The following UPF1 variants were observed in gnomAD, a reference collection of about 807,000 sequenced individuals.
The protein encoded by UPF1 is regulator of nonsense transcripts 1.
Under a neutral mutation model 129.2 loss-of-function variants are expected in UPF1, and 9 were observed. The ratio of observed to expected loss-of-function variants is 0.07; its 90% CI spans 0.04 to 0.12. The LOEUF is 0.12. UPF1 is among the 10% of genes least tolerant of loss of function. The pLI, the probability that UPF1 is intolerant of heterozygous loss-of-function variation, is 1.00. For missense variants in UPF1, 788 were observed against 1,525.3 expected (o/e 0.52, Z 8.05); for synonymous variants, 649 against 644.9 (o/e 1.01, Z -0.10).
At chr19:18,858,759 A>G (rs1338354661) in intron 15 of UPF1, among the ~76,000 whole-genome samples, 2 of 152,222 alleles carry the variant, frequency 1.3e-5, no homozygotes, top group Non-Finnish European at 2.9e-5. Flanking sequence ...AATGGGAGAC[A>G]GGACCACTCT....
At chr19:18,844,202 G>A (rs981988911) in intron 1 of UPF1, among the ~76,000 whole-genome samples, 2 of 151,336 alleles carry the variant, frequency 1.3e-5, no homozygotes, top group Non-Finnish European at 2.9e-5. Context: ...CCAGCTCTGG[G>A]GCCTCGTGTA....
chr19:18,857,430 C>T lies in UPF1; in HGVS notation c.2079C>T (p.Ile693=), dbSNP rs780307099. The T allele has an allele frequency of 1.2e-6, 2 of 1,613,602 alleles. No individual in the cohort carries two copies. Among genetic ancestry groups the T allele is most frequent in the South Asian group, 1.1e-5 (1 of 91,084 alleles). ...SLFERLVVLG[I]RPIRLQVQYR... ...TCGAGCGCCTGGTGGTGCTGGGCATCCGGCCCATCCGCCTGCAGGTCCAGT... is the reference window on the plus strand; with the variant it reads ...TCGAGCGCCTGGTGGTGCTGGGCATTCGGCCCATCCGCCTGCAGGTCCAGT... Residue 693 remains isoleucine, a synonymous_variant, in exon 15 of 24, where the codon ATC becomes ATT. Coordinates refer to ENST00000262803, the MANE Select transcript of UPF1 (RefSeq NM_002911.4).
chr19:18,839,689 C>G (rs927767223), intron 1 of UPF1, among the ~76,000 whole-genome samples: 1 of 152,240 alleles, frequency 6.6e-6, no homozygotes, highest in Non-Finnish European at 1.5e-5. Flanking sequence ...GCTGGGCAAC[C>G]TCTTCAGCCT....
In UPF1 at chr19:18,856,082, A is replaced by C; in HGVS notation, c.1702A>C (p.Met568Leu). The change falls in exon 12 of 24, where the codon ATG becomes CTG. Residue 568 changes from methionine (M) to leucine (L), a missense_variant. Physicochemically the swap from Met to Leu is conservative, Grantham distance 15. This residue lies in a region of UPF1 where 91 missense variants were observed against 157.2 expected (regional missense o/e 0.58). Coordinates refer to ENST00000262803, the MANE Select transcript of UPF1 (RefSeq NM_002911.4). ...FLALHNQIRN[M>L]DSMPELQKLQ... ...GGCCCTGCACAACCAGATCAGGAAC[A>C]TGGACAGGTGTGTGTCGAGTCCATC... 1 of 1,613,924 alleles carries C rather than the reference A, an allele frequency of 6.2e-7. No homozygotes were observed.
At chr19:18,858,577 C>G (rs1225728692) in intron 15 of UPF1, among the ~76,000 whole-genome samples, 2 of 152,132 alleles carry the variant, frequency 1.3e-5, no homozygotes, top group African/African-American at 4.8e-5. Flanking sequence ...TGGAGACTCC[C>G]AGCCATGCAG....
At chr19:18,848,181 T>A in intron 3 of UPF1, 1 of 274,140 alleles carries the variant, frequency 3.6e-6, no homozygotes, top group Non-Finnish European at 7.2e-6. Context: ...CCAGGGGCGC[T>A]GGTTCCTGAG....
intron 14 of UPF1, 93 bp downstream of exon 14, chr19:18,857,113 C>CCAG: frequency 2.6e-6 from 4 of 1,543,506 alleles, no homozygotes; most frequent in Non-Finnish European, 3.5e-6. Context: ...CGTAGGATGC[C>CCAG]CAGCAGAGTG....
intron 1 of UPF1, among the ~76,000 whole-genome samples, chr19:18,842,708 T>A (rs1295810827): frequency 6.6e-6 from 1 of 151,520 alleles, no homozygotes; most frequent in Non-Finnish European, 1.5e-5. Flanking sequence ...TTAAAAAAAA[T>A]TTGGGGGGGT....
rs1163464043 is a variant in UPF1, at chr19:18,866,973, C to G, written c.*456C>G. 1 of 152,614 alleles carries G rather than the reference C, an allele frequency of 6.6e-6. No individual in the cohort carries two copies. The highest frequency in any genetic ancestry group is 1.5e-5 in the Non-Finnish European group (1 of 68,056). 9.5% of individuals were successfully genotyped at this position (152,614 alleles called of 1,614,324 possible). A position where few individuals can be genotyped will look rare whatever the true frequency, so the allele number is the denominator to read the frequency against. On this transcript the variant is annotated 3_prime_UTR_variant, in exon 24 of 24. Transcript: ENST00000262803. ...TGCGGGGCAGAGCCCCGGGAGGGCG[C>G]GTCTGTCCACGCCTACCGGACGCGC...
chr19:18,847,954 C>G (rs1440357388), intron 3 of UPF1, 121 bp downstream of exon 3: 1 of 997,712 alleles, frequency 1.0e-6, no homozygotes, highest in Non-Finnish European at 1.5e-6. Context: ...GGGTTTTTTC[C>G]TCCTCTGTGA....
rs2055679452 is a variant in UPF1, at chr19:18,853,240, T to C, written c.1058-12T>C. ...GTTAAAATGGCCACCTCTCTCACTT[T>C]TTTACCTCAAGACATGCGGCTCATG... On this transcript the variant is annotated splice_polypyrimidine_tract_variant and intron_variant, in intron 7 of 23. Coordinates refer to ENST00000262803, the MANE Select transcript of UPF1 (RefSeq NM_002911.4). The surrounding 1 kb of genome is among the most constrained non-coding windows in gnomAD (Gnocchi z 4.4). The C allele has an allele frequency of 6.2e-7, 1 of 1,606,776 alleles. No homozygotes were observed. Among genetic ancestry groups the C allele is most frequent in the Admixed American group, 1.7e-5 (1 of 58,866 alleles).
rs954168057 is a variant in UPF1, at chr19:18,855,864, G to A, written c.1545-61G>A. ...CCCTGTCTCAAAAAACAGAGTCTTGGCTTACTACGTTCACCGAGCTTCCTC... is the reference window on the plus strand; with the variant it reads ...CCCTGTCTCAAAAAACAGAGTCTTGACTTACTACGTTCACCGAGCTTCCTC... On this transcript the variant is annotated intron_variant, in intron 11 of 23. Coordinates refer to ENST00000262803, the MANE Select transcript of UPF1 (RefSeq NM_002911.4). 1.3e-5 allele frequency: 21 copies of A among 1,583,672 alleles called. 1 individual carries two copies. In the East Asian group the frequency reaches 1.6e-4, roughly 12 times the overall value.
At chr19:18,849,830 A>C (rs2055639267) in intron 3 of UPF1, 1 of 522,232 alleles carries the variant, frequency 1.9e-6, no homozygotes. Context: ...TAAAAAAGGC[A>C]GGAACTATGT....
In UPF1 at chr19:18,850,309, G is replaced by A. The variant is rs528093767; in HGVS notation, c.629+67G>A. ...TCCAGCCGTCTCCTCACAAGCCTTGGCCCAGCCCAGCCCAGCCGTGGCTCT... is the reference window on the plus strand; with the variant it reads ...TCCAGCCGTCTCCTCACAAGCCTTGACCCAGCCCAGCCCAGCCGTGGCTCT... On this transcript the variant is annotated intron_variant, in intron 4 of 23. Transcript: ENST00000262803. The surrounding 1 kb of genome is among the most constrained non-coding windows in gnomAD (Gnocchi z 7.1). The A allele has an allele frequency of 1.4e-4, 214 of 1,504,534 alleles. No homozygotes were observed. The highest frequency in any genetic ancestry group is 1.2e-3 in the Middle Eastern group (5 of 4,020). The allele number at this position is 1,504,534 out of a possible 1,614,324, so 93.2% of individuals were successfully genotyped here. A position where few individuals can be genotyped will look rare whatever the true frequency, so the allele number is the denominator to read the frequency against.
intron 15 of UPF1, 187 bp from the exon 16 acceptor site, chr19:18,860,134 C>CGTATAA: frequency 1.6e-6 from 1 of 627,132 alleles, no homozygotes; most frequent in Admixed American, 2.5e-5. Flanking sequence ...TCTCCTCAGC[C>CGTATAA]TTGCCCAATC....
Position 18,860,073 on chromosome 19 carries a change from C to T in UPF1, c.2183-248C>T, listed in dbSNP as rs940778600. On this transcript the variant is annotated intron_variant, in intron 15 of 23. Transcript: ENST00000262803. The stretch of plus-strand genomic sequence containing the variant: ...AAAGCCCTGGCTGAGACCCTGTTCC[C>T]TGTTCAGGGGCTGAGCCAGCTCTGT... The T allele has an allele frequency of 3.7e-5, 18 of 483,838 alleles. No homozygotes were observed. In the Admixed American group the frequency reaches 5.9e-4, roughly 16 times the overall value. 30.0% of individuals were successfully genotyped at this position (483,838 alleles called of 1,614,324 possible). A position where few individuals can be genotyped will look rare whatever the true frequency, so the allele number is the denominator to read the frequency against.
chr19:18,832,495 C>A lies in UPF1; in HGVS notation c.231+55C>A. 2 of 991,168 alleles carry A rather than the reference C, an allele frequency of 2.0e-6. No homozygotes were observed. Among genetic ancestry groups the A allele is most frequent in the Non-Finnish European group, 2.4e-6 (2 of 831,420 alleles). The allele number at this position is 991,168 out of a possible 1,614,324, so 61.4% of individuals were successfully genotyped here. A position where few individuals can be genotyped will look rare whatever the true frequency, so the allele number is the denominator to read the frequency against. On this transcript the variant is annotated intron_variant, in intron 1 of 23. Coordinates refer to ENST00000262803, the MANE Select transcript of UPF1 (RefSeq NM_002911.4). The surrounding 1 kb of genome is among the most constrained non-coding windows in gnomAD (Gnocchi z 5.6). ...CGGGCCCGGCCTCGGCGCCTGAGAC[C>A]TGCCCCGAACTCGCCTCGGGCCCGG...
chr19:18,857,202 A>G (rs567094166), intron 14 of UPF1, 118 bp from the exon 15 acceptor site: 196 of 1,464,384 alleles, frequency 1.3e-4, no homozygotes, highest in Non-Finnish European at 1.7e-4. Flanking sequence ...GTGGTGAGCA[A>G]TGCCCCTGTG....
At chr19:18,835,327 T>C (rs1395578758) in intron 1 of UPF1, among the ~76,000 whole-genome samples, 2 of 152,014 alleles carry the variant, frequency 1.3e-5, no homozygotes, top group African/African-American at 4.8e-5. Context: ...CACGCTGTGG[T>C]ATGTGTCATC....
Sources: allele counts gnomAD v4.1 joint callset (sites outside exome capture counted in the v4.1 genomes callset), GRCh38; gene constraint gnomAD v4.1.1; regional missense constraint gnomAD v4.1.1; non-coding constraint Gnocchi (gnomAD v3.1); transcripts MANE v1.5; gene names NCBI Gene and HGNC (gene_info 2026-07-23, HGNC 2026-07-21).